The following KAT8 variants were observed in gnomAD, a reference collection of about 807,000 sequenced individuals.
KAT8 encodes histone acetyltransferase KAT8.
A neutral mutation model predicts 62.9 loss-of-function variants in KAT8; 40 were observed. The observed-to-expected ratio is 0.64, with a 90% CI of 0.49 to 0.83. KAT8 has a LOEUF of 0.83. KAT8 is among the 40% of genes least tolerant of loss of function. KAT8 has a pLI of 0.00. For synonymous variants in KAT8, 278 were observed against 254.5 expected, an observed-to-expected ratio of 1.09 and a Z score of -0.88; for missense variants, 387 against 614.8, an observed-to-expected ratio of 0.63 and a Z score of 3.92.
In KAT8 at chr16:31,131,097, T is replaced by G. The variant is rs568214642; in HGVS notation, c.1313-98T>G. 7.1e-6 allele frequency: 11 copies of G among 1,557,328 alleles called. No individual in the cohort carries two copies. The African/African-American group carries it at 9.6e-5, about 14-fold the overall frequency. ...CACAGCCTGCCCTTTTGTTCTCACC[T>G]GGAGGAGGTGAAACTGGCCTGAGCC... On this transcript the variant is annotated intron_variant, in intron 10 of 10. Coordinates refer to ENST00000219797, the MANE Select transcript of KAT8 (RefSeq NM_032188.3).
intron 3 of KAT8, chr16:31,120,902 CA>C (rs1252636316): frequency 5.8e-6 from 1 of 172,142 alleles, no homozygotes; most frequent in Non-Finnish European, 1.2e-5. Flanking sequence ...ATAAGCTCCT[CA>C]AATCCTTCCC....
At chr16:31,129,259 C>T (rs574082386) in intron 6 of KAT8, among the ~76,000 whole-genome samples, 4 of 152,172 alleles carry the variant, frequency 2.6e-5, no homozygotes, top group Non-Finnish European at 5.9e-5. Context: ...TCGGAGAATA[C>T]GCAGGCTGAG....
intron 6 of KAT8, among the ~76,000 whole-genome samples, chr16:31,129,176 G>A (rs1437531564): frequency 2.6e-5 from 4 of 152,316 alleles, no homozygotes; most frequent in South Asian, 4.1e-4. Context: ...GCAGTGCTTA[G>A]CACTAGTATG....
chr16:31,127,098 G>A lies in KAT8; in HGVS notation c.516+10G>A. On this transcript the variant is annotated intron_variant, in intron 4 of 10. Transcript: ENST00000219797. ...GAAGGAGCATGAGGCGGTAAGTGGGGCTGGGAAGCTGCCTGCAGGTCCCCC... is the reference window on the plus strand; with the variant it reads ...GAAGGAGCATGAGGCGGTAAGTGGGACTGGGAAGCTGCCTGCAGGTCCCCC... 1 of 1,614,182 alleles carries A rather than the reference G, an allele frequency of 6.2e-7. No individual in the cohort carries two copies. Among genetic ancestry groups the A allele is most frequent in the Non-Finnish European group, 8.5e-7 (1 of 1,180,024 alleles).
chr16:31,119,961 G>A (rs998699429), intron 1 of KAT8, among the ~76,000 whole-genome samples: 4 of 151,970 alleles, frequency 2.6e-5, no homozygotes, highest in Admixed American at 2.6e-4. Flanking sequence ...GATTACAGGT[G>A]TGAGCCACAC....
intron 3 of KAT8, chr16:31,126,748 G>A (rs1359582198): frequency 1.4e-5 from 6 of 417,874 alleles, no homozygotes; most frequent in Non-Finnish European, 2.2e-5. Context: ...GCCCCCCATC[G>A]TGCAGCTGAA....
chr16:31,130,182 G>C (rs763037735), intron 7 of KAT8, 25 bp downstream of exon 7: 1 of 1,609,218 alleles, frequency 6.2e-7, no homozygotes, highest in Non-Finnish European at 8.5e-7. Flanking sequence ...AACTCGGGGT[G>C]GGGAGGGTGG....
chr16:31,130,208 G>C (rs1309031286), intron 7 of KAT8, 51 bp downstream of exon 7: 1 of 1,612,824 alleles, frequency 6.2e-7, no homozygotes, highest in African/African-American at 1.3e-5. Flanking sequence ...GCGAAGGTGG[G>C]CATGAACAGA....
intron 3 of KAT8, chr16:31,122,568 T>C (rs2057503664): frequency 6.6e-6 from 1 of 152,222 alleles, no homozygotes; most frequent in African/African-American, 2.4e-5. Flanking sequence ...ACTTGAAATG[T>C]GTCTAGTGTG....
chr16:31,120,582 G>C (rs1309543428), intron 3 of KAT8, 68 bp downstream of exon 3: 8 of 1,463,910 alleles, frequency 5.5e-6, no homozygotes, highest in Non-Finnish European at 7.4e-6. Context: ...TGGGTCTCTC[G>C]GGCCCCAGTG....
At chr16:31,131,368 C>T, downstream of KAT8, 2 of 1,298,876 alleles carry the variant, frequency 1.5e-6, no homozygotes, top group Non-Finnish European at 2.2e-6. Flanking sequence ...TGGCCCTGGA[C>T]TTTGGAGGGG....
intron 10 of KAT8, 59 bp downstream of exon 10, chr16:31,130,959 T>C: frequency 6.3e-7 from 1 of 1,576,682 alleles, no homozygotes; most frequent in African/African-American, 1.3e-5. Context: ...TATGGACTGG[T>C]AGGAGTCAAG....
At chr16:31,124,216 C>T (rs984127369) in intron 3 of KAT8, among the ~76,000 whole-genome samples, 3 of 152,238 alleles carry the variant, frequency 2.0e-5, no homozygotes, top group Non-Finnish European at 4.4e-5. Flanking sequence ...ACCAGGGGCC[C>T]ATGCCCAACT....
intron 3 of KAT8, chr16:31,122,485 C>T (rs1338958619): frequency 2.0e-5 from 3 of 152,090 alleles, no homozygotes; most frequent in Admixed American, 2.0e-4. Flanking sequence ...AATCGAACTT[C>T]CTATTGTAAT....
At chr16:31,123,356 A>G (rs1450407117) in intron 3 of KAT8, among the ~76,000 whole-genome samples, 1 of 151,872 alleles carries the variant, frequency 6.6e-6, no homozygotes, top group Non-Finnish European at 1.5e-5. Flanking sequence ...AGCTGGGACT[A>G]CAGGCACGCA....
chr16:31,124,547 C>T (rs2057519871), intron 3 of KAT8, among the ~76,000 whole-genome samples: 1 of 152,046 alleles, frequency 6.6e-6, no homozygotes, highest in African/African-American at 2.4e-5. Flanking sequence ...GCATGGCCAA[C>T]ATGGTGAAAC....
At chr16:31,124,271 CTT>C (rs1465339108) in intron 3 of KAT8, among the ~76,000 whole-genome samples, 1 of 152,222 alleles carries the variant, frequency 6.6e-6, no homozygotes, top group Non-Finnish European at 1.5e-5. Flanking sequence ...GACCTCACCT[CTT>C]TGTGCCTCAG....
rs753765890 is a variant in KAT8 at position 31,128,000 on chromosome 16, C to T, written c.682-50C>T. 91 of 1,430,512 alleles carry T rather than the reference C, an allele frequency of 6.4e-5. No individual in the cohort carries two copies. The South Asian group carries it at 7.1e-4, about 11-fold the overall frequency. The allele number at this position is 1,430,512 out of a possible 1,614,324, so 88.6% of individuals were successfully genotyped here. ...GCATGCAGTGGTGGGTTGGGTGCCT[C>T]CTAGCAGAGAACATATGGGCAGCGA... On this transcript the variant is annotated intron_variant, in intron 5 of 10. Transcript: ENST00000219797.
At chr16:31,130,677 C>T (rs2057570684) in intron 9 of KAT8, 69 bp from the exon 10 acceptor site, 2 of 1,610,336 alleles carry the variant, frequency 1.2e-6, no homozygotes, top group African/African-American at 2.7e-5. Context: ...TTCCTCATAC[C>T]CTGTCACCAT....
Sources: allele counts gnomAD v4.1 joint callset (sites outside exome capture counted in the v4.1 genomes callset), GRCh38; gene constraint gnomAD v4.1.1; transcripts MANE v1.5; gene names NCBI Gene and HGNC (gene_info 2026-07-23, HGNC 2026-07-21).